PSKH2: variants seen among roughly 807,000 people sequenced by gnomAD.
PSKH2 encodes the protein protein serine kinase H2, also known as serine/threonine-protein kinase H2.
PSKH2 carries 16 observed loss-of-function variants against 22.5 expected under a neutral mutation model. The observed-to-expected ratio is 0.71, with a 90% confidence interval of 0.48 to 1.08. The LOEUF is 1.08. PSKH2 is among the 50% of genes least tolerant of loss of function. The pLI is 0.00. For synonymous variants in PSKH2, 188 were observed against 184.8 expected, an observed-to-expected ratio of 1.02 and a Z score of -0.14; for missense variants, 516 against 492.8, an observed-to-expected ratio of 1.05 and a Z score of -0.44.
chr8:86,050,848 T>G (rs1390094924), intron 2 of PSKH2, among the ~76,000 whole-genome samples: 1 of 152,208 alleles, frequency 6.6e-6, no homozygotes, highest in Non-Finnish European at 1.5e-5. Context: ...AGTCCATACA[T>G]AGACATCACA....
chr8:86,049,754 A>AGAAAG (rs1817600776), intron 2 of PSKH2, among the ~76,000 whole-genome samples: 1 of 55,884 alleles, frequency 1.8e-5, no homozygotes, highest in African/African-American at 6.8e-5. Context: ...AAGAAACGAA[A>AGAAAG]GAAAGAAAGA....
At chr8:86,059,770 G>A (rs948934931) in intron 2 of PSKH2, among the ~76,000 whole-genome samples, 1 of 152,132 alleles carries the variant, frequency 6.6e-6, no homozygotes, top group Non-Finnish European at 1.5e-5. Context: ...CCATTATTCT[G>A]TCTACCACAT....
rs774775549 is a variant in PSKH2 at position 86,048,483 on chromosome 8, C to T, written c.1137G>A (p.Ser379=). 2.2e-5 allele frequency: 36 copies of T among 1,612,114 alleles called. No homozygotes were observed. The highest frequency in any genetic ancestry group is 2.8e-5 in the Non-Finnish European group (33 of 1,178,436). The change falls in exon 3 of 3, where the codon TCG becomes TCA. Residue 379 remains serine (S), a synonymous_variant. Coordinates refer to ENST00000276616, the MANE Select transcript of PSKH2 (RefSeq NM_033126.3). ...WSKRNLRIVE[S]PLSALL is the part of the protein sequence containing the mutation. ...CTGCTTACAAAAGCGCAGACAGTGGCGATTCTACTATCCTTAAGTTTCTCT... is the reference window on the plus strand; with the variant it reads ...CTGCTTACAAAAGCGCAGACAGTGGTGATTCTACTATCCTTAAGTTTCTCT...
rs193066509 is a variant in PSKH2, at chr8:86,048,754, A to G, written c.866T>C (p.Ile289Thr). 60 of 1,608,300 alleles carry G rather than the reference A, an allele frequency of 3.7e-5. No individual in the cohort carries two copies. In the African/African-American group the frequency reaches 5.6e-4, roughly 15 times the overall value. ...TATAAAGTCCTTCGCCAAGTGGGAA[A>G]TGCTTGGCCAAGGCTGAGAATAAAA... ...YNYTGEPWPS[I>T]SHLAKDFIDK... is the part of the protein sequence containing the mutation. The change falls in exon 3 of 3, where the codon ATT (isoleucine) becomes ACT (threonine). Residue 289 changes from isoleucine (I) to threonine (T), a missense_variant. Coordinates refer to ENST00000276616, the MANE Select transcript of PSKH2 (RefSeq NM_033126.3).
chr8:86,067,795 G>A (rs187771010), intron 1 of PSKH2, among the ~76,000 whole-genome samples: 5 of 152,244 alleles, frequency 3.3e-5, no homozygotes, highest in Admixed American at 3.3e-4. Flanking sequence ...GTTATAGATG[G>A]AATCACAACG....
chr8:86,062,216 A>G (rs559547896), intron 2 of PSKH2, among the ~76,000 whole-genome samples: 1 of 152,176 alleles, frequency 6.6e-6, no homozygotes, highest in Admixed American at 6.5e-5. Context: ...TTAAATGTGC[A>G]TGAATTGGGG....
In PSKH2 at chr8:86,064,094, A is replaced by G. The variant is rs781392048; in HGVS notation, c.723T>C (p.Ser241=). Residue 241 remains serine, a synonymous_variant, in exon 2 of 3, where the codon AGT becomes AGC. Coordinates refer to ENST00000276616, the MANE Select transcript of PSKH2 (RefSeq NM_033126.3). ...CACCAAGAGCCCACATGTCCACTGC[A>G]CTGGTATAAGGCTTCCTTAGCAAAA... is the stretch of plus-strand genomic sequence containing the variant. The part of the protein sequence containing the change: ...PEVLLRKPYT[S]AVDMWALGVI... 2 of 1,614,160 alleles carry G rather than the reference A, an allele frequency of 1.2e-6. No individual in the cohort carries two copies. The highest frequency in any genetic ancestry group is 1.7e-6 in the Non-Finnish European group (2 of 1,180,034).
At chr8:86,065,366 T>C (rs1288587255) in intron 1 of PSKH2, among the ~76,000 whole-genome samples, 1 of 152,170 alleles carries the variant, frequency 6.6e-6, no homozygotes, top group East Asian at 1.9e-4. Context: ...GTTTCAGCAG[T>C]CTGGTGGGAG....
intron 2 of PSKH2, among the ~76,000 whole-genome samples, chr8:86,056,612 T>A (rs1396522879): frequency 6.6e-6 from 1 of 152,156 alleles, no homozygotes; most frequent in Non-Finnish European, 1.5e-5. Context: ...TTAGGCAAAA[T>A]TCAAACTTTC....
chr8:86,054,857 A>G (rs1817678238), intron 2 of PSKH2, among the ~76,000 whole-genome samples: 1 of 152,188 alleles, frequency 6.6e-6, no homozygotes, highest in African/African-American at 2.4e-5. Context: ...GGAAAACCCT[A>G]AATTTAAGTA....
Position 86,048,496 on chromosome 8 carries a change from C to T in PSKH2, c.1124G>A (p.Arg375Lys), listed in dbSNP as rs140055468. ...CGCAGACAGTGGCGATTCTACTATC[C>T]TTAAGTTTCTCTTGCTCCACATATG... is the stretch of plus-strand genomic sequence containing the variant. The part of the protein sequence containing the change: ...SRHMWSKRNL[R>K]IVESPLSALL Residue 375 changes from arginine (R) to lysine (K), a missense_variant, in exon 3 of 3, where the codon AGG becomes AAG. Transcript: ENST00000276616. 131 of 1,614,038 alleles carry T rather than the reference C, an allele frequency of 8.1e-5. No homozygotes were observed. In the African/African-American group the frequency reaches 1.3e-3, roughly 16 times the overall value.
intron 1 of PSKH2, among the ~76,000 whole-genome samples, chr8:86,066,635 C>A (rs1019291694): frequency 6.6e-6 from 1 of 152,032 alleles, no homozygotes; most frequent in Non-Finnish European, 1.5e-5. Flanking sequence ...CTAAACTATG[C>A]TTTAAATAGT....
Position 86,048,092 on chromosome 8 carries a change from C to T in PSKH2, c.*370G>A, listed in dbSNP as rs966970925. On this transcript the variant is annotated 3_prime_UTR_variant, in exon 3 of 3. Coordinates refer to ENST00000276616, the MANE Select transcript of PSKH2 (RefSeq NM_033126.3). ...AAAATCAGTAATTTCAGGATAAATA[C>T]ATATATTCCCCATATCTAACTATTC... 2.6e-5 allele frequency among the ~76,000 whole-genome samples: 4 copies of T among 152,262 alleles called. No individual in the cohort carries two copies. The highest frequency in any genetic ancestry group is 2.6e-4 in the Admixed American group (4 of 15,292).
intron 2 of PSKH2, among the ~76,000 whole-genome samples, chr8:86,056,553 T>C (rs1817699987): frequency 6.6e-6 from 1 of 152,212 alleles, no homozygotes; most frequent in Non-Finnish European, 1.5e-5. Flanking sequence ...GTGCACTTGA[T>C]AAATGAAGTT....
chr8:86,048,697 C>T lies in PSKH2; in HGVS notation c.923G>A (p.Arg308His), dbSNP rs146849251. 1.5e-4 allele frequency: 237 copies of T among 1,613,868 alleles called. No individual in the cohort carries two copies. Among genetic ancestry groups the T allele is most frequent in the Non-Finnish European group, 1.8e-4 (212 of 1,179,978 alleles). ...GTCCAGGGCCTGGCCAGCTGACATG[C>T]GATGACCAGCCTCCAAAATCAGTAG... ...DKLLILEAGH[R>H]MSAGQALDHP... Residue 308 changes from arginine (R) to histidine (H), a missense_variant, in exon 3 of 3, where the codon CGC (arginine) becomes CAC (histidine). Coordinates refer to ENST00000276616, the MANE Select transcript of PSKH2 (RefSeq NM_033126.3).
chr8:86,064,760 T>C, intron 1 of PSKH2, 129 bp from the exon 2 acceptor site: 2 of 776,578 alleles, frequency 2.6e-6, no homozygotes, highest in Middle Eastern at 4.7e-4. Flanking sequence ...TTATTATTAC[T>C]TGTGTTTATT....
intron 2 of PSKH2, among the ~76,000 whole-genome samples, chr8:86,049,988 C>A (rs537238798): frequency 6.6e-6 from 1 of 152,194 alleles, no homozygotes; most frequent in East Asian, 1.9e-4. Context: ...CAAATAGATT[C>A]AAATAGATTT....
chr8:86,058,607 T>C (rs1336256540), intron 2 of PSKH2, among the ~76,000 whole-genome samples: 1 of 152,210 alleles, frequency 6.6e-6, no homozygotes, highest in East Asian at 1.9e-4. Flanking sequence ...AAGGAGCTTA[T>C]AATGTCTTAA....
chr8:86,064,680 C>A, intron 1 of PSKH2, 49 bp from the exon 2 acceptor site: 1 of 1,431,398 alleles, frequency 7.0e-7, no homozygotes, highest in South Asian at 1.3e-5. Flanking sequence ...TGATGATTCT[C>A]AAAATTATTT....
Sources: allele counts gnomAD v4.1 joint callset (sites outside exome capture counted in the v4.1 genomes callset), GRCh38; gene constraint gnomAD v4.1.1; transcripts MANE v1.5; gene names NCBI Gene and HGNC (gene_info 2026-07-23, HGNC 2026-07-21).